Variants in KIAA0825 observed in about 807,000 individuals in gnomAD.
KIAA0825 encodes the protein KIAA0825, also known as uncharacterized protein KIAA0825.
A neutral mutation model predicts 147.6 loss-of-function variants in KIAA0825; 119 were observed. That is an observed-to-expected ratio of 0.81 (90% CI 0.69 to 0.94). The LOEUF (loss-of-function observed/expected upper bound fraction) is 0.94. KIAA0825 is among the 40% of genes least tolerant of loss of function. The pLI is 0.00. For synonymous variants in KIAA0825, 470 were observed against 518.1 expected, an observed-to-expected ratio of 0.91 and a Z score of 1.26; for missense variants, 1,381 against 1,472.7, an observed-to-expected ratio of 0.94 and a Z score of 1.02.
intron 5 of KIAA0825, among the ~76,000 whole-genome samples, chr5:94,502,357 T>C (rs1765195397): frequency 1.3e-5 from 2 of 152,188 alleles, no homozygotes; most frequent in South Asian, 4.1e-4. Context: ...GCAACATCTA[T>C]ATTATAGAAT....
At chr5:94,192,128 T>C (rs1201485262) in intron 20 of KIAA0825, among the ~76,000 whole-genome samples, 2 of 152,258 alleles carry the variant, frequency 1.3e-5, no homozygotes, top group African/African-American at 2.4e-5. Context: ...GAAATGTTTT[T>C]CATTTTTATT....
At chr5:94,265,090 A>C (rs1370498077) in intron 20 of KIAA0825, among the ~76,000 whole-genome samples, 1 of 151,978 alleles carries the variant, frequency 6.6e-6, no homozygotes, top group South Asian at 2.1e-4. Flanking sequence ...GTCCATACAC[A>C]CACATTTTAT....
chr5:94,303,601 G>T (rs909476463), intron 20 of KIAA0825, among the ~76,000 whole-genome samples: 5 of 152,082 alleles, frequency 3.3e-5, no homozygotes, highest in African/African-American at 7.2e-5. Flanking sequence ...GTATAAAGAA[G>T]AATTGGGGTC....
intron 20 of KIAA0825, among the ~76,000 whole-genome samples, chr5:94,196,117 T>C (rs1314470297): frequency 6.6e-6 from 1 of 152,196 alleles, no homozygotes; most frequent in Non-Finnish European, 1.5e-5. Flanking sequence ...CCCTTACTCC[T>C]TAGCCAGGTT....
rs1491232374 is a variant in KIAA0825 at position 94,157,673 on chromosome 5, AAG to A, written c.3711-3551_3711-3550del. The stretch of plus-strand genomic sequence containing the variant: ...TTTTCCATGTGCCATACCATGAGCT[AAG>A]ACCTTTCTGTTTTTGCTCACCGACA... On this transcript the variant is annotated intron_variant, in intron 20 of 20. Transcript: ENST00000682413. Among the ~76,000 whole-genome samples the A allele has an allele frequency of 8.0e-3, 1,217 of 152,344 alleles. 10 individuals are homozygous for A. The highest frequency in any genetic ancestry group is 0.013 in the Admixed American group (194 of 15,294).
intron 2 of KIAA0825, among the ~76,000 whole-genome samples, chr5:94,553,858 G>A (rs1464941114): frequency 6.6e-6 from 1 of 151,784 alleles, no homozygotes; most frequent in Non-Finnish European, 1.5e-5. Context: ...CTATAAAATC[G>A]TGATGTTCTC....
In KIAA0825 at chr5:94,384,462, A is replaced by T. The variant is rs1412434562; in HGVS notation, c.3620-4T>A. The T allele has an allele frequency of 1.9e-6, 3 of 1,548,850 alleles. No individual in the cohort carries two copies. The highest frequency in any genetic ancestry group is 2.6e-6 in the Non-Finnish European group (3 of 1,144,232). ...TTCCAGTTCCATTTTGTGATGGCTG[A>T]CTGTTGATAAATGAGAAGACACTAT... On this transcript the variant is annotated splice_region_variant and splice_polypyrimidine_tract_variant and intron_variant, in intron 19 of 20. Coordinates refer to ENST00000682413, the MANE Select transcript of KIAA0825 (RefSeq NM_001145678.3).
chr5:94,612,424 T>C (rs540874805), intron 1 of KIAA0825, among the ~76,000 whole-genome samples: 28 of 152,242 alleles, frequency 1.8e-4, no homozygotes, highest in African/African-American at 6.0e-4. Flanking sequence ...TGTAGCACTT[T>C]GATATTCTTA....
At chr5:94,601,601 T>A (rs566993009) in intron 1 of KIAA0825, among the ~76,000 whole-genome samples, 31 of 152,118 alleles carry the variant, frequency 2.0e-4, no homozygotes, top group African/African-American at 7.2e-4. Context: ...AACAAACCAC[T>A]GAGCTAAAGG....
At chr5:94,231,898 T>C (rs1010581339) in intron 20 of KIAA0825, among the ~76,000 whole-genome samples, 1 of 152,144 alleles carries the variant, frequency 6.6e-6, no homozygotes, top group African/African-American at 2.4e-5. Flanking sequence ...GTGTATCTGG[T>C]TAGAGATATA....
At chr5:94,367,371 G>A (rs1009336607) in intron 20 of KIAA0825, among the ~76,000 whole-genome samples, 9 of 152,162 alleles carry the variant, frequency 5.9e-5, no homozygotes, top group South Asian at 2.1e-4. Flanking sequence ...GGTGGCGGGC[G>A]CCTGTAATCC....
At chr5:94,316,404 T>C (rs1779665638) in intron 20 of KIAA0825, among the ~76,000 whole-genome samples, 1 of 151,578 alleles carries the variant, frequency 6.6e-6, no homozygotes. Flanking sequence ...AAAAACCTTA[T>C]ATGAAACACT....
At chr5:94,343,912 C>T (rs762366564) in intron 20 of KIAA0825, among the ~76,000 whole-genome samples, 22 of 152,060 alleles carry the variant, frequency 1.4e-4, no homozygotes, top group African/African-American at 1.9e-4. Flanking sequence ...TATGTAAAAA[C>T]AAAAATGTTC....
intron 20 of KIAA0825, among the ~76,000 whole-genome samples, chr5:94,243,444 G>C (rs1775455217): frequency 6.6e-6 from 1 of 152,156 alleles, no homozygotes; most frequent in Admixed American, 6.5e-5. Flanking sequence ...TAAGGCAGTT[G>C]AAAGTTTCTA....
intron 2 of KIAA0825, among the ~76,000 whole-genome samples, chr5:94,554,777 TTAACA>T (rs1243598969): frequency 8.6e-5 from 12 of 139,992 alleles, no homozygotes; most frequent in African/African-American, 3.1e-4. Flanking sequence ...CATTTAATTC[TTAACA>T]TAAACAGATA....
intron 14 of KIAA0825, among the ~76,000 whole-genome samples, chr5:94,418,302 A>C (rs1423854796): frequency 6.6e-6 from 1 of 152,160 alleles, no homozygotes; most frequent in Non-Finnish European, 1.5e-5. Context: ...AAAGGAGCTC[A>C]CTGTTATCTT....
rs1216293634 is a variant in KIAA0825, at chr5:94,414,314, T to A, written c.2662+2887A>T. The stretch of plus-strand genomic sequence containing the variant: ...CCTCATTTACAAGCCTGTTCTGACA[T>A]TGTCTTAAAAACCAGCTGAGGTAAT... On this transcript the variant is annotated intron_variant, in intron 15 of 20. Transcript: ENST00000682413. 7 of 152,206 alleles carry A rather than the reference T, an allele frequency of 4.6e-5. No individual in the cohort carries two copies. In the South Asian group the frequency reaches 1.4e-3, roughly 32 times the overall value. 9.4% of individuals were successfully genotyped at this position (152,206 alleles called of 1,614,324 possible).
intron 12 of KIAA0825, among the ~76,000 whole-genome samples, chr5:94,454,967 T>C (rs986687381): frequency 6.6e-6 from 1 of 151,700 alleles, no homozygotes; most frequent in African/African-American, 2.4e-5. Flanking sequence ...AAGGAGAAAA[T>C]TAAGGGAAAC....
intron 12 of KIAA0825, among the ~76,000 whole-genome samples, chr5:94,453,344 T>C (rs1386940909): frequency 6.7e-6 from 1 of 148,824 alleles, no homozygotes. Flanking sequence ...GGCTGATTTT[T>C]TTTTTTTTTT....
Sources: gnomAD v4.1 joint callset for allele counts (sites outside exome capture counted in the v4.1 genomes callset) on GRCh38, gnomAD v4.1.1 for gene constraint, MANE v1.5 for transcripts, NCBI Gene and HGNC (gene_info 2026-07-23, HGNC 2026-07-21) for gene names.